The following RHOBTB2 variants were observed in gnomAD, a reference collection of about 807,000 sequenced individuals.
RHOBTB2 encodes Rho related BTB domain containing 2.
A neutral mutation model predicts 66.5 loss-of-function variants in RHOBTB2; 39 were observed. That is an observed-to-expected ratio of 0.59 (90% CI 0.45 to 0.77). RHOBTB2 has a LOEUF of 0.77. Among genes scored for constraint, RHOBTB2 ranks in the 30% least tolerant of loss-of-function variants. The probability of loss-of-function intolerance (pLI) is 0.00; values close to 1 mark genes in which losing one functional copy is unlikely to be tolerated. For synonymous variants in RHOBTB2, 390 were observed against 395.0 expected (o/e 0.99, Z 0.15); for missense variants, 755 against 999.1 (o/e 0.76, Z 3.29).
rs1811414934 is a variant in RHOBTB2, at chr8:23,019,367, C to T, written c.*1898C>T. ...ACTGTGGCTGCCTCCCCTCCACGGCCTCCAGGGCGGCTGGCTGGAAAGCCA... is the reference window on the plus strand; with the variant it reads ...ACTGTGGCTGCCTCCCCTCCACGGCTTCCAGGGCGGCTGGCTGGAAAGCCA... On this transcript the variant is annotated 3_prime_UTR_variant, in exon 10 of 10. Transcript: ENST00000251822. 1 of 152,736 alleles carries T rather than the reference C, an allele frequency of 6.5e-6. No homozygotes were observed. Among genetic ancestry groups the T allele is most frequent in the Non-Finnish European group, 1.5e-5 (1 of 68,644 alleles). The allele number at this position is 152,736 out of a possible 1,614,324, so 9.5% of individuals were successfully genotyped here. A position where few individuals can be genotyped will look rare whatever the true frequency, so the allele number is the denominator to read the frequency against.
intron 7 of RHOBTB2, 37 bp from the exon 8 acceptor site, chr8:23,014,653 T>A (rs563616831): frequency 6.3e-7 from 1 of 1,586,718 alleles, no homozygotes; most frequent in African/African-American, 1.3e-5. Flanking sequence ...ACAGGTCATG[T>A]GCTTCTTCAG....
chr8:22,985,569 G>A (rs140991613), upstream of RHOBTB2, among the ~76,000 whole-genome samples: 22,669 of 152,244 alleles, frequency 0.15, 2,081 homozygotes, highest in Middle Eastern at 0.24. Flanking sequence ...GAGGCCTCTT[G>A]TGGCTTTCCA....
the RHOBTB2 span, among the ~76,000 whole-genome samples, chr8:22,972,114 G>A: frequency 6.6e-6 from 1 of 152,140 alleles, no homozygotes; most frequent in Non-Finnish European, 1.5e-5. Context: ...CGTCAGTCAC[G>A]ATGCCCTCTC....
the RHOBTB2 span, among the ~76,000 whole-genome samples, chr8:22,958,802 GAAAAAAAAAAAAA>G: frequency 5.7e-5 from 3 of 52,180 alleles, no homozygotes; most frequent in African/African-American, 1.5e-4. Context: ...GCCCCTCTCT[GAAAAAAAAAAAAA>G]AAAAAAAAAA....
upstream of RHOBTB2, among the ~76,000 whole-genome samples, chr8:22,986,569 T>A (rs1226430248): frequency 6.6e-6 from 1 of 152,052 alleles, no homozygotes; most frequent in Non-Finnish European, 1.5e-5. Flanking sequence ...CCCAGTGCAT[T>A]GTTATGGCAA....
chr8:22,999,582 T>G lies in RHOBTB2; in HGVS notation c.-534T>G, dbSNP rs1810696011. On this transcript the variant is annotated 5_prime_UTR_variant, in exon 1 of 10. Transcript: ENST00000251822. ...CACGGCTGTCGTCTTGGGTGCGATT[T>G]TTTTCTCCTCCTTTTTTTACCCTCC... is the stretch of plus-strand genomic sequence containing the variant. The G allele has an allele frequency of 3.3e-6, 4 of 1,225,238 alleles. No individual in the cohort carries two copies. The highest frequency in any genetic ancestry group is 4.1e-6 in the Non-Finnish European group (4 of 964,022). 75.9% of individuals were successfully genotyped at this position (1,225,238 alleles called of 1,614,324 possible).
the RHOBTB2 span, among the ~76,000 whole-genome samples, chr8:22,978,656 G>A: frequency 6.7e-6 from 1 of 150,328 alleles, no homozygotes; most frequent in Non-Finnish European, 1.5e-5. Flanking sequence ...CGTAACAGGA[G>A]GCTAGAAGAA....
upstream of RHOBTB2, among the ~76,000 whole-genome samples, chr8:22,986,392 G>A (rs1005839081): frequency 1.3e-5 from 2 of 150,568 alleles, no homozygotes; most frequent in African/African-American, 4.9e-5. Flanking sequence ...TCAGCCTCCT[G>A]GATAACTGGG....
At chr8:23,012,622 T>C (rs1377827624) in intron 7 of RHOBTB2, among the ~76,000 whole-genome samples, 1 of 152,132 alleles carries the variant, frequency 6.6e-6, no homozygotes, top group Non-Finnish European at 1.5e-5. Context: ...TTACTATTGT[T>C]ATTATGTTTT....
At chr8:23,011,198 G>A (rs1811137290) in intron 7 of RHOBTB2, among the ~76,000 whole-genome samples, 1 of 152,232 alleles carries the variant, frequency 6.6e-6, no homozygotes, top group South Asian at 2.1e-4. Context: ...AGTTTGCAGT[G>A]AGCTGAGTTT....
the RHOBTB2 span, among the ~76,000 whole-genome samples, chr8:22,978,304 G>A: frequency 6.6e-6 from 1 of 151,520 alleles, no homozygotes; most frequent in South Asian, 2.1e-4. Context: ...CCCAAAATAC[G>A]GTGAAACCCT....
the RHOBTB2 span, among the ~76,000 whole-genome samples, chr8:22,980,275 T>C: frequency 6.6e-6 from 1 of 152,212 alleles, no homozygotes; most frequent in Non-Finnish European, 1.5e-5. Context: ...TTTTGCTAAT[T>C]TACACTCCTA....
rs1283146061 is a variant in RHOBTB2, at chr8:23,004,631, G to A, written c.192+5G>A. ...CAATATCGTGTGTGCCAGGAGGTAA[G>A]GCTGCAGGACTACCTGGCTGGGGGT... On this transcript the variant is annotated splice_donor_5th_base_variant and intron_variant, in intron 2 of 9. Coordinates refer to ENST00000251822, the MANE Select transcript of RHOBTB2 (RefSeq NM_015178.3). This position sits in a 1 kb window ranked among gnomAD's most constrained non-coding sequence, Gnocchi z 6.4. 1.2e-6 allele frequency: 2 copies of A among 1,610,792 alleles called. No individual in the cohort carries two copies. The highest frequency in any genetic ancestry group is 1.7e-6 in the Non-Finnish European group (2 of 1,178,882).
rs1703834039 is a variant in RHOBTB2 at position 23,004,647 on chromosome 8, G to A, written c.192+21G>A. ...AGGAGGTAAGGCTGCAGGACTACCT[G>A]GCTGGGGGTCCACGCCATGAGTCTG... On this transcript the variant is annotated intron_variant, in intron 2 of 9. Coordinates refer to ENST00000251822, the MANE Select transcript of RHOBTB2 (RefSeq NM_015178.3). This position sits in a 1 kb window ranked among gnomAD's most constrained non-coding sequence, Gnocchi z 6.4. 4.4e-6 allele frequency: 7 copies of A among 1,601,802 alleles called. No homozygotes were observed. The South Asian group carries it at 6.7e-5, about 15-fold the overall frequency.
At chr8:22,982,995 C>T (rs553259184), upstream of RHOBTB2, among the ~76,000 whole-genome samples, 73 of 152,282 alleles carry the variant, frequency 4.8e-4, 1 homozygote, top group African/African-American at 1.6e-3. Flanking sequence ...CCTCATGACC[C>T]GATGACCTGC....
At chr8:22,995,882 G>A (rs529567354), upstream of RHOBTB2, 46 of 1,551,552 alleles carry the variant, frequency 3.0e-5, 1 homozygote, top group African/African-American at 8.2e-5. Context: ...ATGAAAGCGC[G>A]GTTAGTAGCC....
At chr8:22,973,561 G>A in the RHOBTB2 span, among the ~76,000 whole-genome samples, 1 of 152,116 alleles carries the variant, frequency 6.6e-6, no homozygotes, top group Non-Finnish European at 1.5e-5. Context: ...AACCACGAGA[G>A]ACCCTGGAGG....
the RHOBTB2 span, among the ~76,000 whole-genome samples, chr8:22,953,010 G>T: frequency 6.6e-6 from 1 of 152,098 alleles, no homozygotes; most frequent in African/African-American, 2.4e-5. Flanking sequence ...CTTTGACTTG[G>T]GGTCTTATAC....
chr8:22,987,468 C>T (rs2251588), exon 1 of RHOBTB2: 35,180 of 152,282 alleles, frequency 0.23, 4,565 homozygotes, highest in African/African-American at 0.34. Context: ...GCCCTTAAAA[C>T]CCTTGTGTTG....
Sources: allele counts gnomAD v4.1 joint callset (sites outside exome capture counted in the v4.1 genomes callset), GRCh38; gene constraint gnomAD v4.1.1; non-coding constraint Gnocchi (gnomAD v3.1); transcripts MANE v1.5; gene names NCBI Gene and HGNC (gene_info 2026-07-23, HGNC 2026-07-21).